The following RPTOR variants were observed in gnomAD, a reference collection of about 807,000 sequenced individuals.
The protein encoded by RPTOR is regulatory associated protein of MTOR complex 1.
Under a neutral mutation model 169.9 loss-of-function variants are expected in RPTOR, and 21 were observed. The ratio of observed to expected loss-of-function variants is 0.12; its 90% CI spans 0.09 to 0.18. The LOEUF (loss-of-function observed/expected upper bound fraction) is 0.18. Ranked by LOEUF, RPTOR falls within the 10% of genes least tolerant of loss-of-function variation. The pLI, the probability that RPTOR is intolerant of heterozygous loss-of-function variation, is 1.00. For missense variants in RPTOR, 1,133 were observed against 1,855.9 expected, an observed-to-expected ratio of 0.61 and a Z score of 7.16; for synonymous variants, 732 against 753.2, an observed-to-expected ratio of 0.97 and a Z score of 0.46.
chr17:80,718,364 G>A (rs570662559), intron 4 of RPTOR, among the ~76,000 whole-genome samples: 6 of 152,188 alleles, frequency 3.9e-5, no homozygotes, highest in Admixed American at 2.0e-4. Flanking sequence ...TTACCCCTCC[G>A]GACATTAAAT....
rs2067903656 is a variant in RPTOR, at chr17:80,860,312, C to A, written c.1509+2412C>A. The stretch of plus-strand genomic sequence containing the variant: ...ACTGACCCTGTTGTCCAGGCACTGG[C>A]AGGCACCCCGAGCCACAGGCTCGTA... On this transcript the variant is annotated intron_variant, in intron 13 of 33. Transcript: ENST00000306801. The surrounding 1 kb of genome is among the most constrained non-coding windows in gnomAD (Gnocchi z 5.8). 6.6e-6 allele frequency among the ~76,000 whole-genome samples: 1 copy of A among 152,218 alleles called. No homozygotes were observed. The highest frequency in any genetic ancestry group is 2.1e-4 in the South Asian group (1 of 4,838).
At chr17:80,779,402 G>A (rs548662127) in intron 6 of RPTOR, among the ~76,000 whole-genome samples, 3 of 152,334 alleles carry the variant, frequency 2.0e-5, no homozygotes, top group African/African-American at 7.2e-5. Flanking sequence ...TGGGAGAACC[G>A]AAGAGAGAGA....
chr17:80,884,732 C>T (rs2068224761), intron 16 of RPTOR, among the ~76,000 whole-genome samples: 1 of 152,232 alleles, frequency 6.6e-6, no homozygotes, highest in Non-Finnish European at 1.5e-5. Flanking sequence ...TTCATCAGCA[C>T]ATTCCCTGGT....
At chr17:80,575,710 C>T (rs530910963) in intron 1 of RPTOR, among the ~76,000 whole-genome samples, 6 of 152,300 alleles carry the variant, frequency 3.9e-5, no homozygotes, top group South Asian at 2.1e-4. Flanking sequence ...ACCTTTTATA[C>T]GTGTCCATTA....
At chr17:80,588,319 C>A (rs150324322) in intron 1 of RPTOR, among the ~76,000 whole-genome samples, 1 of 151,998 alleles carries the variant, frequency 6.6e-6, no homozygotes, top group African/African-American at 2.4e-5. Flanking sequence ...TTCACCACCA[C>A]GCCTGGCTAA....
At chr17:80,839,927 T>C (rs1005917573) in intron 10 of RPTOR, among the ~76,000 whole-genome samples, 49 of 152,340 alleles carry the variant, frequency 3.2e-4, no homozygotes, top group Admixed American at 2.6e-3. Context: ...GAATCAATAT[T>C]CTGCATTTGG....
chr17:80,582,969 G>A (rs1346586381), intron 1 of RPTOR, among the ~76,000 whole-genome samples: 4 of 146,932 alleles, frequency 2.7e-5, no homozygotes, highest in African/African-American at 1.0e-4. Flanking sequence ...TTGACAGAGT[G>A]CAGTGGTGTG....
chr17:80,795,130 G>A (rs114045021), intron 7 of RPTOR, among the ~76,000 whole-genome samples: 166 of 152,316 alleles, frequency 1.1e-3, no homozygotes, highest in African/African-American at 3.8e-3. Flanking sequence ...TGCAGCACAC[G>A]GCTGGCCACC....
intron 7 of RPTOR, among the ~76,000 whole-genome samples, chr17:80,796,588 C>T (rs186261123): frequency 5.3e-5 from 8 of 152,312 alleles, no homozygotes; most frequent in African/African-American, 1.7e-4. Context: ...CACCAGGTCC[C>T]CGCCTCAACA....
chr17:80,874,290 G>A (rs959520577), intron 13 of RPTOR, among the ~76,000 whole-genome samples: 4 of 151,492 alleles, frequency 2.6e-5, no homozygotes, highest in Admixed American at 6.6e-5. Flanking sequence ...TCCACCTCCC[G>A]GGTTCAAGCG....
At chr17:80,946,669 G>A (rs1215196981) in intron 26 of RPTOR, among the ~76,000 whole-genome samples, 1 of 152,226 alleles carries the variant, frequency 6.6e-6, no homozygotes, top group Non-Finnish European at 1.5e-5. Flanking sequence ...TTTCATGGCT[G>A]AGTAATATTC....
At chr17:80,910,646 G>C (rs7502267) in intron 21 of RPTOR, among the ~76,000 whole-genome samples, 51,899 of 151,824 alleles carry the variant, frequency 0.34, 9,119 homozygotes, top group East Asian at 0.47. Flanking sequence ...GAGCTATCGA[G>C]TCTCCCCCTC....
intron 28 of RPTOR, among the ~76,000 whole-genome samples, chr17:80,951,870 A>T (rs2069183336): frequency 6.6e-6 from 1 of 152,198 alleles, no homozygotes; most frequent in Non-Finnish European, 1.5e-5. Flanking sequence ...TATGTGCTGG[A>T]GACAGGGCCT....
chr17:80,914,231 T>A (rs116109864), intron 21 of RPTOR, among the ~76,000 whole-genome samples: 3,615 of 152,228 alleles, frequency 0.024, 131 homozygotes, highest in African/African-American at 0.083. Flanking sequence ...CAGGGACCGG[T>A]GGAATCCCAC....
At chr17:80,824,085 A>G (rs1230281168) in intron 9 of RPTOR, among the ~76,000 whole-genome samples, 4 of 152,260 alleles carry the variant, frequency 2.6e-5, no homozygotes, top group Admixed American at 6.5e-5. Flanking sequence ...CTGGAAACCC[A>G]GAGAAGCAAG....
chr17:80,768,759 ATCT>A (rs2066813394), intron 6 of RPTOR, among the ~76,000 whole-genome samples: 3 of 152,092 alleles, frequency 2.0e-5, no homozygotes, highest in Non-Finnish European at 4.4e-5. Flanking sequence ...GCCTCTTTGT[ATCT>A]TCTTCTTAAA....
At chr17:80,685,627 A>ATATATTTTTTTTTTTTTTT (rs1269766086) in intron 3 of RPTOR, among the ~76,000 whole-genome samples, 1 of 30,700 alleles carries the variant, frequency 3.3e-5, no homozygotes, top group Admixed American at 5.3e-4. Context: ...ATATATATAT[A>ATATATTTTTTTTTTTTTTT]TTTTTTTTTT....
intron 33 of RPTOR, 98 bp from the exon 34 acceptor site, chr17:80,964,164 A>C: frequency 3.8e-6 from 4 of 1,045,962 alleles, no homozygotes; most frequent in South Asian, 1.3e-5. Context: ...AGACCCCGGC[A>C]GGAGCTGCCT....
At chr17:80,670,314 A>G (rs575336824) in intron 3 of RPTOR, among the ~76,000 whole-genome samples, 36 of 152,036 alleles carry the variant, frequency 2.4e-4, no homozygotes, top group Admixed American at 3.9e-4. Flanking sequence ...CGTGTCGGGA[A>G]TTTGCGCCTT....
Sources: allele counts gnomAD v4.1 joint callset (sites outside exome capture counted in the v4.1 genomes callset), GRCh38; gene constraint gnomAD v4.1.1; non-coding constraint Gnocchi (gnomAD v3.1); transcripts MANE v1.5; gene names NCBI Gene and HGNC (gene_info 2026-07-23, HGNC 2026-07-21).